The following MYCBPAP variants were observed in gnomAD, a reference collection of about 807,000 sequenced individuals.
MYCBPAP encodes the protein MYCBP-associated protein.
Under a neutral mutation model 106.1 loss-of-function variants are expected in MYCBPAP, and 60 were observed. The ratio of observed to expected loss-of-function variants is 0.57; its 90% CI spans 0.46 to 0.70. The LOEUF (loss-of-function observed/expected upper bound fraction) is 0.70, where lower values mean the gene tolerates loss of function less well. MYCBPAP is among the 30% of genes least tolerant of loss of function. MYCBPAP has a pLI of 0.00. For synonymous variants in MYCBPAP, 407 were observed against 440.6 expected, an observed-to-expected ratio of 0.92 and a Z score of 0.95; for missense variants, 1,064 against 1,169.3, an observed-to-expected ratio of 0.91 and a Z score of 1.31.
chr17:50,510,499 G>GTGTGTATA (rs1418345705), intron 1 of MYCBPAP: 81 of 76,392 alleles, frequency 1.1e-3, no homozygotes, highest in African/African-American at 1.9e-3. Context: ...GTGTGTGTGT[G>GTGTGTATA]TATATATATA....
intron 16 of MYCBPAP, 126 bp from the exon 17 acceptor site, chr17:50,528,569 G>A (rs1004981027): frequency 1.4e-5 from 18 of 1,272,884 alleles, no homozygotes; most frequent in Admixed American, 1.2e-4. Flanking sequence ...ATGAAGCCAC[G>A]CGCCTACCAG....
chr17:50,525,195 T>C (rs1482280394), intron 13 of MYCBPAP, 172 bp downstream of exon 13: 11 of 696,724 alleles, frequency 1.6e-5, no homozygotes, highest in Non-Finnish European at 2.6e-5. Context: ...ACGAATCCCA[T>C]TGTGAACTGC....
At position 50,508,593 on chromosome 17, in the gene MYCBPAP, C is replaced by A; in HGVS notation, c.-82C>A. 6.4e-7 allele frequency: 1 copy of A among 1,556,674 alleles called. No homozygotes were observed. Among genetic ancestry groups the A allele is most frequent in the Non-Finnish European group, 8.7e-7 (1 of 1,149,406 alleles). Reference sequence around the variant, plus strand: ...CCGGTTGCTGTGGACGCAGTGGCGGCCGTTGGCTGGCGGGTGCGGCGCAGC... The same window carrying A: ...CCGGTTGCTGTGGACGCAGTGGCGGACGTTGGCTGGCGGGTGCGGCGCAGC... On this transcript the variant is annotated 5_prime_UTR_variant, in exon 1 of 19. Transcript: ENST00000323776.
intron 1 of MYCBPAP, chr17:50,514,831 G>T (rs909822648): frequency 5.1e-6 from 2 of 389,694 alleles, no homozygotes; most frequent in Non-Finnish European, 1.0e-5. Context: ...TTAATTTTTT[G>T]ATTTTTTTTA....
At chr17:50,519,297 G>T (rs923997148) in intron 6 of MYCBPAP, 2 of 591,922 alleles carry the variant, frequency 3.4e-6, no homozygotes, top group Non-Finnish European at 6.0e-6. Context: ...TGACCACACA[G>T]GTAGCAAGTT....
Position 50,529,025 on chromosome 17 carries a change from CCAACAG to C in MYCBPAP, c.2565_2570del (p.Asn855_Ser856del). The C allele has an allele frequency of 6.2e-7, 1 of 1,613,828 alleles. No homozygotes were observed. The highest frequency in any genetic ancestry group is 8.5e-7 in the Non-Finnish European group (1 of 1,179,860). Reference sequence around the variant, plus strand: ...GTCTCCCTCCCCCAGCAGGACCGTCCCAACAGCAAGAAGCACAAGGCAAAGGATGAC... The same window carrying C: ...GTCTCCCTCCCCCAGCAGGACCGTCCCAAGAAGCACAAGGCAAAGGATGAC... On this transcript the variant is annotated inframe_deletion, in exon 18 of 19. Coordinates refer to ENST00000323776, the MANE Select transcript of MYCBPAP (RefSeq NM_032133.6).
intron 10 of MYCBPAP, 53 bp downstream of exon 10, chr17:50,522,134 C>G: frequency 6.8e-7 from 1 of 1,469,678 alleles, no homozygotes. Flanking sequence ...GGGGTGCAGC[C>G]CTGAGGTGAC....
chr17:50,526,035 C>T lies in MYCBPAP; in HGVS notation c.1937C>T (p.Pro646Leu). Reference protein sequence around the residue: ...EKASVNAELLPRFRSPISETQ... With the variant: ...EKASVNAELLLRFRSPISETQ... ...GCCTCTGTGAATGCTGAGCTGTTAC[C>T]ACGCTTTAGGAGCCCCATCTCCGAA... Residue 646 changes from proline to leucine, a missense_variant, in exon 14 of 19, where the codon CCA (proline) becomes CTA (leucine). Physicochemically the swap from Pro to Leu is moderately conservative, Grantham distance 98. Transcript: ENST00000323776. 2 of 1,614,000 alleles carry T rather than the reference C, an allele frequency of 1.2e-6. 1 individual carries two copies. The highest frequency in any genetic ancestry group is 2.2e-5 in the South Asian group (2 of 91,082).
rs2034437362 is a variant in MYCBPAP, at chr17:50,525,766, C to T, written c.1783-115C>T. On this transcript the variant is annotated intron_variant, in intron 13 of 18. Coordinates refer to ENST00000323776, the MANE Select transcript of MYCBPAP (RefSeq NM_032133.6). ...GTGGCTTCCCAAAGCACTGGGATTG[C>T]AGGCTTGAGCCACTGTGCCTGGCCC... 3 of 1,285,792 alleles carry T rather than the reference C, an allele frequency of 2.3e-6. No individual in the cohort carries two copies. The Admixed American group carries it at 7.2e-5, about 31-fold the overall frequency. The allele number at this position is 1,285,792 out of a possible 1,614,324, so 79.6% of individuals were successfully genotyped here.
Position 50,531,475 on chromosome 17 carries a change from C to T in MYCBPAP, c.*47C>T. On this transcript the variant is annotated 3_prime_UTR_variant, in exon 19 of 19. Coordinates refer to ENST00000323776, the MANE Select transcript of MYCBPAP (RefSeq NM_032133.6). Reference sequence around the variant, plus strand: ...CTGGAAAACGGGTTAATAAATAAATCAATAAAGAACCTTCAAGTTTCTACT... The same window carrying T: ...CTGGAAAACGGGTTAATAAATAAATTAATAAAGAACCTTCAAGTTTCTACT... 1.4e-6 allele frequency: 2 copies of T among 1,418,538 alleles called. No individual in the cohort carries two copies. The highest frequency in any genetic ancestry group is 1.9e-6 in the Non-Finnish European group (2 of 1,030,930). The allele number at this position is 1,418,538 out of a possible 1,614,324, so 87.9% of individuals were successfully genotyped here.
rs10526790 is a variant in MYCBPAP at position 50,530,497 on chromosome 17, C to CAAA, written c.2725-823_2725-821dup. ...GTGACAAGAGTGAGACTCTTACCTC[C>CAAA]AAAAAAAAAGAATCAACTTGCTGGC... On this transcript the variant is annotated intron_variant, in intron 18 of 18. Transcript: ENST00000323776. Among the ~76,000 whole-genome samples the CAAA allele has an allele frequency of 1.3e-4, 14 of 105,944 alleles. 1 individual carries two copies. Among genetic ancestry groups the CAAA allele is most frequent in the Admixed American group, 3.0e-4 (3 of 9,986 alleles). The allele number at this position is 105,944 out of a possible 152,430, so 69.5% of individuals were successfully genotyped here.
intron 1 of MYCBPAP, among the ~76,000 whole-genome samples, chr17:50,515,384 T>A (rs1001808705): frequency 1.4e-5 from 2 of 143,762 alleles, no homozygotes; most frequent in African/African-American, 5.6e-5. Context: ...ATGTAGAAGC[T>A]GCTTAAACAA....
At position 50,526,380 on chromosome 17, in the gene MYCBPAP, C is replaced by T. The variant is rs1017414366; in HGVS notation, c.2169+113C>T. The T allele has an allele frequency of 6.2e-6, 6 of 972,848 alleles. No individual in the cohort carries two copies. In the African/African-American group the frequency reaches 9.7e-5, roughly 16 times the overall value. The allele number at this position is 972,848 out of a possible 1,614,324, so 60.3% of individuals were successfully genotyped here. On this transcript the variant is annotated intron_variant, in intron 14 of 18. Coordinates refer to ENST00000323776, the MANE Select transcript of MYCBPAP (RefSeq NM_032133.6). Reference sequence around the variant, plus strand: ...GGGCAAAGAAACAAAACCTGAGAGCCCAGAGAAAGTGATCTCTTGGGTTAT... The same window carrying T: ...GGGCAAAGAAACAAAACCTGAGAGCTCAGAGAAAGTGATCTCTTGGGTTAT...
At chr17:50,527,454 G>A (rs765499958) in intron 15 of MYCBPAP, 46 bp downstream of exon 15, 13 of 1,609,278 alleles carry the variant, frequency 8.1e-6, no homozygotes, top group Non-Finnish European at 1.1e-5. Context: ...TCCCTTTGTG[G>A]CATCTGCAGG....
At chr17:50,522,688 C>G (rs1445323900) in intron 10 of MYCBPAP, 1 of 21,648 alleles carries the variant, frequency 4.6e-5, no homozygotes, top group African/African-American at 3.5e-4. Context: ...GAGCGAAACT[C>G]TGTCTCAAAA....
chr17:50,515,058 C>G (rs533461230), intron 1 of MYCBPAP: 1 of 227,404 alleles, frequency 4.4e-6, no homozygotes, highest in African/African-American at 2.3e-5. Context: ...TTCAAAAACA[C>G]ATGCTTTGAG....
chr17:50,524,887 C>T lies in MYCBPAP; in HGVS notation c.1646C>T (p.Thr549Ile), dbSNP rs2034403099. The T allele has an allele frequency of 6.2e-7, 1 of 1,613,556 alleles. No individual in the cohort carries two copies. The highest frequency in any genetic ancestry group is 2.2e-5 in the East Asian group (1 of 44,880). Reference protein sequence around the residue: ...DERKVLESKLTAHEAVTVVRE... With the variant: ...DERKVLESKLIAHEAVTVVRE... ...CCTTCCCTTTTGCAGAGCAAGCTGA[C>T]TGCCCATGAGGCAGTCACCGTCGTT... Residue 549 changes from threonine (T) to isoleucine (I), a missense_variant, in exon 13 of 19, where the codon ACT (threonine) becomes ATT (isoleucine). Coordinates refer to ENST00000323776, the MANE Select transcript of MYCBPAP (RefSeq NM_032133.6).
At chr17:50,528,669 T>A in intron 16 of MYCBPAP, 26 bp from the exon 17 acceptor site, 2 of 1,610,932 alleles carry the variant, frequency 1.2e-6, no homozygotes. Flanking sequence ...GGGCCTGCCA[T>A]ATTTTCTTCC....
intron 17 of MYCBPAP, 75 bp downstream of exon 17, chr17:50,528,915 AGGT>A: frequency 6.3e-7 from 1 of 1,599,604 alleles, no homozygotes; most frequent in Non-Finnish European, 8.5e-7. Flanking sequence ...GGGGCTGTGG[AGGT>A]GGGCATGTGC....
Sources: allele counts gnomAD v4.1 joint callset (sites outside exome capture counted in the v4.1 genomes callset), GRCh38; gene constraint gnomAD v4.1.1; transcripts MANE v1.5; gene names NCBI Gene and HGNC (gene_info 2026-07-23, HGNC 2026-07-21).